The following PIEZO2 variants were observed in gnomAD, a reference collection of about 807,000 sequenced individuals.
PIEZO2 encodes the protein piezo-type mechanosensitive ion channel component 2.
Under a neutral mutation model 337.3 loss-of-function variants are expected in PIEZO2, and 172 were observed. That is an observed-to-expected ratio of 0.51 (90% CI 0.45 to 0.58). The LOEUF (loss-of-function observed/expected upper bound fraction) is 0.58. PIEZO2 is among the 20% of genes least tolerant of loss of function. The pLI, the probability that PIEZO2 is intolerant of heterozygous loss-of-function variation, is 0.00. For synonymous variants in PIEZO2, 1,251 were observed against 1,228.5 expected (o/e 1.02, Z -0.38); for missense variants, 3,028 against 3,391.3 (o/e 0.89, Z 2.66).
In PIEZO2 at chr18:10,697,792, C is replaced by T; in HGVS notation, c.6783G>A (p.Lys2261=). 2 of 1,614,196 alleles carry T rather than the reference C, an allele frequency of 1.2e-6. No homozygotes were observed. Among genetic ancestry groups the T allele is most frequent in the South Asian group, 1.1e-5 (1 of 91,078 alleles). ...TTGCTTTGATTAAATGTTCTTGAAGCTTTTCCATATAAAGTTCCCTTTTGC... is the reference window on the plus strand; with the variant it reads ...TTGCTTTGATTAAATGTTCTTGAAGTTTTTCCATATAAAGTTCCCTTTTGC... ...QKGKRELYME[K]LQEHLIKAKA... is the part of the protein sequence containing the mutation. The change falls in exon 45 of 56, where the codon AAG becomes AAA. Residue 2261 remains lysine, a synonymous_variant. Coordinates refer to ENST00000674853, the MANE Select transcript of PIEZO2 (RefSeq NM_001378183.1).
In PIEZO2 at chr18:10,837,044, T is replaced by A. The variant is rs149708124; in HGVS notation, c.917+18309A>T. Among the ~76,000 whole-genome samples the A allele has an allele frequency of 2.6e-5, 4 of 152,332 alleles. No individual in the cohort carries two copies. Among genetic ancestry groups the A allele is most frequent in the African/African-American group, 9.6e-5 (4 of 41,572 alleles). ...ACACACATTCTTCTATTGTGGGGTATAATCACTCTTACACACTCATAACCT... is the reference window on the plus strand; with the variant it reads ...ACACACATTCTTCTATTGTGGGGTAAAATCACTCTTACACACTCATAACCT... On this transcript the variant is annotated intron_variant, in intron 7 of 55. Coordinates refer to ENST00000674853, the MANE Select transcript of PIEZO2 (RefSeq NM_001378183.1). The surrounding 1 kb of genome is among the most constrained non-coding windows in gnomAD (Gnocchi z 4.4).
chr18:10,853,865 A>G lies in PIEZO2; in HGVS notation c.917+1488T>C, dbSNP rs556416792. Among the ~76,000 whole-genome samples, 1 of 152,226 alleles carries G rather than the reference A, an allele frequency of 6.6e-6. No homozygotes were observed. The highest frequency in any genetic ancestry group is 1.5e-5 in the Non-Finnish European group (1 of 68,034). On this transcript the variant is annotated intron_variant, in intron 7 of 55. Transcript: ENST00000674853. This position sits in a 1 kb window ranked among gnomAD's most constrained non-coding sequence, Gnocchi z 4.2. Reference sequence around the variant, plus strand: ...TACCCACAAAACCATCATACACCTAAGAAATCAGCAATAATTCTATAGTCC... The same window carrying G: ...TACCCACAAAACCATCATACACCTAGGAAATCAGCAATAATTCTATAGTCC...
At chr18:10,811,592 G>A (rs2040191893) in intron 7 of PIEZO2, among the ~76,000 whole-genome samples, 1 of 152,164 alleles carries the variant, frequency 6.6e-6, no homozygotes, top group Non-Finnish European at 1.5e-5. Flanking sequence ...AATCACTGCT[G>A]CTTGAATCTC....
chr18:10,914,145 T>A (rs35290583), intron 3 of PIEZO2, among the ~76,000 whole-genome samples: 2 of 152,166 alleles, frequency 1.3e-5, no homozygotes, highest in Non-Finnish European at 2.9e-5. Flanking sequence ...TAAGGTAATA[T>A]TATTCACTTT....
intron 1 of PIEZO2, among the ~76,000 whole-genome samples, chr18:11,144,138 T>A (rs2040746937): frequency 6.6e-6 from 1 of 152,004 alleles, no homozygotes; most frequent in African/African-American, 2.4e-5. Flanking sequence ...CAAACACACA[T>A]CACCCGTAAA....
Position 11,109,481 on chromosome 18 carries a change from C to T in PIEZO2, c.64+39044G>A, listed in dbSNP as rs556424440. Among the ~76,000 whole-genome samples the T allele has an allele frequency of 3.9e-5, 6 of 152,020 alleles. No individual in the cohort carries two copies. Among genetic ancestry groups the T allele is most frequent in the Non-Finnish European group, 7.4e-5 (5 of 68,002 alleles). ...CTGTAATCCCAGCACTTTGGGAGGC[C>T]GAGGTGGGTGGATCACTTGAGGTCA... is the stretch of plus-strand genomic sequence containing the variant. On this transcript the variant is annotated intron_variant, in intron 1 of 55. Coordinates refer to ENST00000674853, the MANE Select transcript of PIEZO2 (RefSeq NM_001378183.1). This position sits in a 1 kb window ranked among gnomAD's most constrained non-coding sequence, Gnocchi z 5.1.
intron 7 of PIEZO2, among the ~76,000 whole-genome samples, chr18:10,812,114 T>C (rs2040212804): frequency 6.6e-6 from 1 of 152,222 alleles, no homozygotes; most frequent in African/African-American, 2.4e-5. Context: ...ATTACAGGCG[T>C]GAGCCACTGC....
chr18:11,084,105 G>T (rs954315312), intron 1 of PIEZO2, among the ~76,000 whole-genome samples: 1 of 151,076 alleles, frequency 6.6e-6, no homozygotes, highest in Non-Finnish European at 1.5e-5. Flanking sequence ...TGAACCTGGG[G>T]GGTGGAGGCT....
At chr18:10,695,071 T>G (rs2035024148) in intron 47 of PIEZO2, among the ~76,000 whole-genome samples, 1 of 152,248 alleles carries the variant, frequency 6.6e-6, no homozygotes, top group Non-Finnish European at 1.5e-5. Context: ...CACATTCACC[T>G]TCTGCAGAGC....
intron 1 of PIEZO2, among the ~76,000 whole-genome samples, chr18:11,087,785 G>A (rs1252252908): frequency 6.6e-6 from 1 of 152,214 alleles, no homozygotes; most frequent in East Asian, 1.9e-4. Flanking sequence ...CTACTCCAAT[G>A]TTTGAATCAA....
chr18:11,126,238 T>A lies in PIEZO2; in HGVS notation c.64+22287A>T, dbSNP rs2040178910. Among the ~76,000 whole-genome samples, 1 of 152,156 alleles carries A rather than the reference T, an allele frequency of 6.6e-6. No homozygotes were observed. The highest frequency in any genetic ancestry group is 2.4e-5 in the African/African-American group (1 of 41,410). On this transcript the variant is annotated intron_variant, in intron 1 of 55. Transcript: ENST00000674853. This position sits in a 1 kb window ranked among gnomAD's most constrained non-coding sequence, Gnocchi z 4.6. ...TATTCCCAGTAGGTTCAACATGAAG[T>A]TTTTACTATCACAGTTTTGTTTATT...
rs1412360130 is a variant in PIEZO2 at position 10,746,769 on chromosome 18, A to G, written c.4424+1702T>C. Among the ~76,000 whole-genome samples, 5 of 152,196 alleles carry G rather than the reference A, an allele frequency of 3.3e-5. No homozygotes were observed. In the East Asian group the frequency reaches 5.8e-4, roughly 18 times the overall value. On this transcript the variant is annotated intron_variant, in intron 30 of 55. Transcript: ENST00000674853. This position sits in a 1 kb window ranked among gnomAD's most constrained non-coding sequence, Gnocchi z 4.2. Reference sequence around the variant, plus strand: ...GGATGCAGTGGGAAGATGGCCATCTATGAGGAAGTGGGCCCTCGGCCGACA... The same window carrying G: ...GGATGCAGTGGGAAGATGGCCATCTGTGAGGAAGTGGGCCCTCGGCCGACA...
chr18:11,144,143 C>G (rs7504649), intron 1 of PIEZO2, among the ~76,000 whole-genome samples: 1 of 151,950 alleles, frequency 6.6e-6, no homozygotes, highest in African/African-American at 2.4e-5. Flanking sequence ...ACACATCACC[C>G]GTAAAGAAAC....
At chr18:10,885,599 G>A (rs117863126) in intron 4 of PIEZO2, among the ~76,000 whole-genome samples, 6 of 152,154 alleles carry the variant, frequency 3.9e-5, no homozygotes, top group African/African-American at 9.7e-5. Context: ...AAATGAGAAC[G>A]AATGGTAGGA....
intron 20 of PIEZO2, among the ~76,000 whole-genome samples, chr18:10,771,040 T>A (rs962385234): frequency 6.6e-6 from 1 of 152,286 alleles, no homozygotes; most frequent in East Asian, 1.9e-4. Flanking sequence ...GCCCCCTTAA[T>A]CTTATTTACT....
At chr18:10,852,242 C>A (rs1266760346) in intron 7 of PIEZO2, among the ~76,000 whole-genome samples, 1 of 152,152 alleles carries the variant, frequency 6.6e-6, no homozygotes, top group African/African-American at 2.4e-5. Flanking sequence ...TGTGTCTATA[C>A]AAAATTCTTT....
intron 1 of PIEZO2, among the ~76,000 whole-genome samples, chr18:11,139,303 G>A (rs1289736478): frequency 6.6e-6 from 1 of 152,174 alleles, no homozygotes; most frequent in Non-Finnish European, 1.5e-5. Flanking sequence ...GGGGCTCTTA[G>A]TCAAGATAGT....
intron 36 of PIEZO2, chr18:10,725,551 C>T (rs2036500098): frequency 1.5e-6 from 2 of 1,374,060 alleles, no homozygotes; most frequent in Admixed American, 2.1e-5. Flanking sequence ...CTAACTCCCC[C>T]TTTTGTTTCT....
intron 4 of PIEZO2, among the ~76,000 whole-genome samples, chr18:10,898,700 G>T (rs1047797689): frequency 6.6e-6 from 1 of 152,122 alleles, no homozygotes; most frequent in African/African-American, 2.4e-5. Context: ...CAGGGGAAGG[G>T]CCATTACCTT....
Sources: allele counts gnomAD v4.1 joint callset (sites outside exome capture counted in the v4.1 genomes callset), GRCh38; gene constraint gnomAD v4.1.1; non-coding constraint Gnocchi (gnomAD v3.1); transcripts MANE v1.5; gene names NCBI Gene and HGNC (gene_info 2026-07-23, HGNC 2026-07-21).